The following CAMTA1 variants were observed in gnomAD, a reference collection of about 807,000 sequenced individuals.
CAMTA1 encodes calmodulin binding transcription activator 1, also known as calmodulin-binding transcription activator 1.
Under a neutral mutation model 170.9 loss-of-function variants are expected in CAMTA1, and 27 were observed. The observed-to-expected ratio is 0.16, with a 90% CI of 0.12 to 0.22. The LOEUF (loss-of-function observed/expected upper bound fraction) is 0.22, where lower values mean the gene tolerates loss of function less well. Ranked by LOEUF, CAMTA1 falls within the 10% of genes least tolerant of loss-of-function variation. The pLI is 1.00. For missense variants in CAMTA1, 1,619 were observed against 2,217.2 expected, an observed-to-expected ratio of 0.73 and a Z score of 5.42; for synonymous variants, 833 against 891.5, an observed-to-expected ratio of 0.93 and a Z score of 1.17.
chr1:6,851,808 G>A (rs1233781268), intron 3 of CAMTA1, among the ~76,000 whole-genome samples: 3 of 152,170 alleles, frequency 2.0e-5, no homozygotes, highest in Non-Finnish European at 4.4e-5. Flanking sequence ...GAGGCCGGGA[G>A]TTCGAGACCA....
At chr1:6,950,852 CG>C (rs1318891506) in intron 3 of CAMTA1, among the ~76,000 whole-genome samples, 1 of 152,202 alleles carries the variant, frequency 6.6e-6, no homozygotes, top group Non-Finnish European at 1.5e-5. Context: ...GCTCTACAAT[CG>C]GATGCCCAGG....
chr1:7,449,733 A>G (rs1281195138), intron 5 of CAMTA1, among the ~76,000 whole-genome samples: 5 of 148,018 alleles, frequency 3.4e-5, no homozygotes, highest in South Asian at 2.2e-4. Context: ...TAGTGCCACT[A>G]CACTCCAGTC....
At position 7,045,632 on chromosome 1, in the gene CAMTA1, A is replaced by G. The variant is rs932434885; in HGVS notation, c.235-45672A>G. On this transcript the variant is annotated intron_variant, in intron 3 of 22. Coordinates refer to ENST00000303635, the MANE Select transcript of CAMTA1 (RefSeq NM_015215.4). Reference sequence around the variant, plus strand: ...GAAGGGGAGGCCCTAGAAGGTGACTATCGGTACTGAATCCTGGTTCTTTTG... The same window carrying G: ...GAAGGGGAGGCCCTAGAAGGTGACTGTCGGTACTGAATCCTGGTTCTTTTG... Among the ~76,000 whole-genome samples, 10 of 152,224 alleles carry G rather than the reference A, an allele frequency of 6.6e-5. No individual in the cohort carries two copies. The East Asian group carries it at 9.6e-4, about 15-fold the overall frequency.
intron 11 of CAMTA1, among the ~76,000 whole-genome samples, chr1:7,684,202 G>A (rs2096238986): frequency 6.6e-6 from 1 of 152,232 alleles, no homozygotes; most frequent in Non-Finnish European, 1.5e-5. Flanking sequence ...TGGCCGTTGG[G>A]GCAGGAAGCA....
At chr1:7,745,357 T>C (rs2096849827) in intron 17 of CAMTA1, among the ~76,000 whole-genome samples, 1 of 151,902 alleles carries the variant, frequency 6.6e-6, no homozygotes, top group Admixed American at 6.6e-5. Flanking sequence ...TAAAACCCCG[T>C]CTCTACTAAA....
At chr1:7,651,118 C>A (rs2095846248) in intron 7 of CAMTA1, among the ~76,000 whole-genome samples, 2 of 152,178 alleles carry the variant, frequency 1.3e-5, no homozygotes, top group Non-Finnish European at 2.9e-5. Flanking sequence ...TATACCAGCA[C>A]CTGGACAAAT....
rs139920923 is a variant in CAMTA1, at chr1:7,240,312, T to A, written c.303-9179T>A. ...AAAGGCAGGATATGTGGCCTAATTC[T>A]CCTTTTCTTTTTTTATTTTTTTAGT... On this transcript the variant is annotated intron_variant, in intron 4 of 22. Transcript: ENST00000303635. Among the ~76,000 whole-genome samples the A allele has an allele frequency of 9.7e-3, 1,473 of 152,296 alleles. 17 individuals carry two copies. The highest frequency in any genetic ancestry group is 0.033 in the African/African-American group (1,370 of 41,556).
intron 4 of CAMTA1, among the ~76,000 whole-genome samples, chr1:7,123,785 C>T (rs1644779261): frequency 6.6e-6 from 1 of 152,170 alleles, no homozygotes; most frequent in South Asian, 2.1e-4. Flanking sequence ...TGGTATTTTC[C>T]TCCACAGCCT....
chr1:7,016,388 A>G (rs1700541367), intron 3 of CAMTA1, among the ~76,000 whole-genome samples: 1 of 152,188 alleles, frequency 6.6e-6, no homozygotes, highest in South Asian at 2.1e-4. Context: ...ATAACCTTTC[A>G]AATGCTCTGC....
intron 5 of CAMTA1, among the ~76,000 whole-genome samples, chr1:7,390,999 GGTT>G (rs2088641538): frequency 6.6e-6 from 1 of 152,212 alleles, no homozygotes; most frequent in African/African-American, 2.4e-5. Flanking sequence ...CGAGAATCTG[GGTT>G]GTTGTTTTTT....
rs58946154 is a variant in CAMTA1 at position 7,418,723 on chromosome 1, T to G, written c.439-49107T>G. On this transcript the variant is annotated intron_variant, in intron 5 of 22. Coordinates refer to ENST00000303635, the MANE Select transcript of CAMTA1 (RefSeq NM_015215.4). The stretch of plus-strand genomic sequence containing the variant: ...CTTCCCCTCCTGAGTCCCACTTCAC[T>G]GCAGCCTGCCCATCTTGGTCAGCGG... Among the ~76,000 whole-genome samples the G allele has an allele frequency of 6.7e-3, 1,021 of 152,336 alleles. 7 individuals are homozygous for G. Among genetic ancestry groups the G allele is most frequent in the African/African-American group, 0.023 (952 of 41,572 alleles).
intron 3 of CAMTA1, among the ~76,000 whole-genome samples, chr1:7,024,162 T>C (rs1199099010): frequency 6.6e-6 from 1 of 151,648 alleles, no homozygotes; most frequent in African/African-American, 2.4e-5. Context: ...CCAGCACATA[T>C]CTAATGGGCA....
intron 16 of CAMTA1, among the ~76,000 whole-genome samples, chr1:7,741,106 C>T (rs2096809690): frequency 1.3e-5 from 2 of 152,096 alleles, no homozygotes; most frequent in East Asian, 1.9e-4. Flanking sequence ...AATGTTTAAA[C>T]TATCTCCTAG....
chr1:7,009,854 G>A (rs1489079990), intron 3 of CAMTA1, among the ~76,000 whole-genome samples: 1 of 152,208 alleles, frequency 6.6e-6, no homozygotes, highest in African/African-American at 2.4e-5. Context: ...CTCTGTCACT[G>A]CAGCATGGGG....
At chr1:6,832,620 C>G (rs1233022610) in intron 3 of CAMTA1, among the ~76,000 whole-genome samples, 1 of 152,006 alleles carries the variant, frequency 6.6e-6, no homozygotes, top group Admixed American at 6.6e-5. Flanking sequence ...TGAAAAGCAC[C>G]AGTACTCTAA....
intron 4 of CAMTA1, among the ~76,000 whole-genome samples, chr1:7,212,845 T>C (rs190024615): frequency 6.6e-6 from 1 of 152,248 alleles, no homozygotes; most frequent in African/African-American, 2.4e-5. Flanking sequence ...GAATGTTATA[T>C]AATTGGAATC....
chr1:6,835,707 CA>C, intron 3 of CAMTA1, among the ~76,000 whole-genome samples: 1 of 152,326 alleles, frequency 6.6e-6, no homozygotes, highest in South Asian at 2.1e-4. Flanking sequence ...ATCCCCATAC[CA>C]CTCATGCATG....
intron 3 of CAMTA1, among the ~76,000 whole-genome samples, chr1:6,865,559 A>G (rs1489451238): frequency 1.3e-5 from 2 of 152,220 alleles, no homozygotes; most frequent in African/African-American, 2.4e-5. Context: ...TGTGGGCAGC[A>G]TTGTCTCCCT....
intron 5 of CAMTA1, among the ~76,000 whole-genome samples, chr1:7,398,181 CTCTCTCTCT>C (rs2089514277): frequency 2.9e-4 from 13 of 45,550 alleles, no homozygotes; most frequent in African/African-American, 9.2e-4. Flanking sequence ...CTCTCTCTCT[CTCTCTCTCT>C]CTCTATATAT....
Sources: allele counts gnomAD v4.1 joint callset (sites outside exome capture counted in the v4.1 genomes callset), GRCh38; gene constraint gnomAD v4.1.1; transcripts MANE v1.5; gene names NCBI Gene and HGNC (gene_info 2026-07-23, HGNC 2026-07-21).